Variants in SEMA3A observed in about 807,000 individuals in gnomAD.
The protein encoded by SEMA3A is semaphorin-3A.
SEMA3A carries 29 observed loss-of-function variants against 97.9 expected under a neutral mutation model. The ratio of observed to expected loss-of-function variants is 0.30; its 90% CI spans 0.22 to 0.40. The LOEUF (loss-of-function observed/expected upper bound fraction) is 0.40. Among genes scored for constraint, SEMA3A ranks in the 10% least tolerant of loss-of-function variants. The probability of loss-of-function intolerance (pLI) is 1.00; values close to 1 mark genes in which losing one functional copy is unlikely to be tolerated. For synonymous variants in SEMA3A, 321 were observed against 323.7 expected, an observed-to-expected ratio of 0.99 and a Z score of 0.09; for missense variants, 763 against 951.3, an observed-to-expected ratio of 0.80 and a Z score of 2.60.
chr7:84,298,073 A>G (rs572971366), intron 3 of SEMA3A, among the ~76,000 whole-genome samples: 1 of 152,302 alleles, frequency 6.6e-6, no homozygotes, highest in East Asian at 1.9e-4. Context: ...AAAGATGTCA[A>G]TAAGTTATAA....
At chr7:84,104,427 A>G (rs1327655261) in intron 4 of SEMA3A, among the ~76,000 whole-genome samples, 2 of 152,048 alleles carry the variant, frequency 1.3e-5, no homozygotes, top group African/African-American at 2.4e-5. Flanking sequence ...TTTTTAGGGG[A>G]AAAAAAGCTG....
chr7:84,168,539 A>G (rs1030771778), intron 1 of SEMA3A, among the ~76,000 whole-genome samples: 1 of 151,982 alleles, frequency 6.6e-6, no homozygotes, highest in African/African-American at 2.4e-5. Flanking sequence ...TATACACAGA[A>G]TTACTAAAAG....
chr7:84,288,842 C>T (rs963382070), intron 3 of SEMA3A, among the ~76,000 whole-genome samples: 2 of 152,062 alleles, frequency 1.3e-5, no homozygotes, highest in Non-Finnish European at 2.9e-5. Context: ...ACTGTATAAT[C>T]CAGCAATCCC....
At chr7:84,287,334 C>T (rs1053325548) in intron 3 of SEMA3A, among the ~76,000 whole-genome samples, 4 of 151,986 alleles carry the variant, frequency 2.6e-5, no homozygotes, top group Non-Finnish European at 5.9e-5. Flanking sequence ...ACATCACTCC[C>T]ATTTTTAAAA....
intron 2 of SEMA3A, among the ~76,000 whole-genome samples, chr7:84,312,808 A>G (rs1303049605): frequency 4.3e-5 from 6 of 140,698 alleles, no homozygotes; most frequent in Admixed American, 2.2e-4. Context: ...CAAGTGCCCA[A>G]GTGTTCAGTA....
At chr7:84,049,271 G>A (rs1448742083) in intron 5 of SEMA3A, among the ~76,000 whole-genome samples, 1 of 152,024 alleles carries the variant, frequency 6.6e-6, no homozygotes, top group African/African-American at 2.4e-5. Flanking sequence ...ATGATTAAGT[G>A]GCCATGAAGG....
chr7:84,421,831 A>C (rs983249113), intron 1 of SEMA3A, among the ~76,000 whole-genome samples: 1 of 151,850 alleles, frequency 6.6e-6, no homozygotes, highest in Non-Finnish European at 1.5e-5. Flanking sequence ...ACTGATTTGC[A>C]TATGTTGAAC....
At position 84,156,049 on chromosome 7, in the gene SEMA3A, G is replaced by T. The variant is rs539156383; in HGVS notation, c.113-21098C>A. Among the ~76,000 whole-genome samples the T allele has an allele frequency of 8.5e-5, 13 of 152,162 alleles. No homozygotes were observed. In the East Asian group the frequency reaches 2.5e-3, roughly 29 times the overall value. On this transcript the variant is annotated intron_variant, in intron 1 of 16. Transcript: ENST00000265362. Reference sequence around the variant, plus strand: ...TAAAGCCCTTTTTCTGAGTTAAAATGATTCCAATTTTTTAAAGTTTCTATA... The same window carrying T: ...TAAAGCCCTTTTTCTGAGTTAAAATTATTCCAATTTTTTAAAGTTTCTATA...
Position 84,303,353 on chromosome 7 carries a change from CT to C in SEMA3A, c.-83+3853del, listed in dbSNP as rs111338989. On this transcript the variant is annotated intron_variant, in intron 3 of 3. Coordinates refer to the SEMA3A transcript ENST00000424555. ...TTTTCTTAGTATGCCCAAGCCATCT[CT>C]TTTTTTAAAAAAAATGTCTAGGAAT... is the stretch of plus-strand genomic sequence containing the variant. Among the ~76,000 whole-genome samples the C allele has an allele frequency of 3.3e-5, 5 of 152,016 alleles. 1 individual carries two copies. The highest frequency in any genetic ancestry group is 1.2e-4 in the African/African-American group (5 of 41,468).
chr7:83,978,081 C>T (rs370142589), intron 14 of SEMA3A, among the ~76,000 whole-genome samples: 4 of 151,944 alleles, frequency 2.6e-5, no homozygotes, highest in African/African-American at 7.3e-5. Flanking sequence ...GGGATTACAG[C>T]GTGAGCCACT....
chr7:84,280,447 G>A (rs1800414613), intron 3 of SEMA3A, among the ~76,000 whole-genome samples: 1 of 152,100 alleles, frequency 6.6e-6, no homozygotes, highest in Admixed American at 6.6e-5. Context: ...TTATCAATAT[G>A]TAAGAAATCC....
intron 1 of SEMA3A, among the ~76,000 whole-genome samples, chr7:84,399,668 A>T (rs1005612977): frequency 6.6e-6 from 1 of 152,186 alleles, no homozygotes; most frequent in African/African-American, 2.4e-5. Flanking sequence ...ACCCATTGTG[A>T]GCCAGAAAGA....
intron 3 of SEMA3A, among the ~76,000 whole-genome samples, chr7:84,272,773 G>T (rs1368499522): frequency 1.3e-5 from 2 of 151,972 alleles, no homozygotes; most frequent in Non-Finnish European, 2.9e-5. Flanking sequence ...GTACTATTTG[G>T]TCCCTAGGCA....
chr7:84,126,421 G>T (rs10259508), intron 3 of SEMA3A, among the ~76,000 whole-genome samples: 122,114 of 151,960 alleles, frequency 0.8, 49,121 homozygotes, highest in East Asian at 0.93. Context: ...GGCCAGGCTG[G>T]CCTCGAACTT....
At chr7:84,453,562 A>T (rs1228964) in intron 1 of SEMA3A, among the ~76,000 whole-genome samples, 69,922 of 151,914 alleles carry the variant, frequency 0.46, 17,779 homozygotes, top group East Asian at 0.79. Flanking sequence ...TGAGTGATAG[A>T]GACAATGCAT....
At chr7:84,102,762 G>A in intron 4 of SEMA3A, among the ~76,000 whole-genome samples, 1 of 151,768 alleles carries the variant, frequency 6.6e-6, no homozygotes, top group East Asian at 1.9e-4. Context: ...TGTATTTTTA[G>A]TAGAGATGGG....
intron 3 of SEMA3A, among the ~76,000 whole-genome samples, chr7:84,201,898 A>G (rs1257263522): frequency 6.6e-6 from 1 of 152,078 alleles, no homozygotes; most frequent in Non-Finnish European, 1.5e-5. Flanking sequence ...TGGTGACTTA[A>G]AGCACTTTAA....
chr7:83,978,062 C>CAA (rs1419766678), intron 14 of SEMA3A, among the ~76,000 whole-genome samples: 4 of 152,022 alleles, frequency 2.6e-5, no homozygotes, highest in African/African-American at 2.4e-5. Flanking sequence ...CTCGGCCTCC[C>CAA]AAAGTGCTGG....
intron 10 of SEMA3A, 66 bp from the exon 11 acceptor site, chr7:84,005,624 A>G: frequency 9.2e-7 from 1 of 1,090,478 alleles, no homozygotes. Flanking sequence ...AAATTATATA[A>G]TAACACATGG....
Sources: allele counts gnomAD v4.1 joint callset (sites outside exome capture counted in the v4.1 genomes callset), GRCh38; gene constraint gnomAD v4.1.1; transcripts MANE v1.5; gene names NCBI Gene and HGNC (gene_info 2026-07-23, HGNC 2026-07-21).